ADAMTSL1: variants seen among roughly 807,000 people sequenced by gnomAD.
ADAMTSL1 encodes ADAMTS-like protein 1.
Under a neutral mutation model 201.8 loss-of-function variants are expected in ADAMTSL1, and 126 were observed. That is an observed-to-expected ratio of 0.62 (90% CI 0.54 to 0.72). ADAMTSL1 has a LOEUF of 0.72. Ranked by LOEUF, ADAMTSL1 falls within the 30% of genes least tolerant of loss-of-function variation. ADAMTSL1 has a pLI of 0.00. For synonymous variants in ADAMTSL1, 1,121 were observed against 903.4 expected (o/e 1.24, Z -4.32); for missense variants, 2,679 against 2,277.8 (o/e 1.18, Z -3.59).
At chr9:18,477,188 G>A (rs555278191) in intron 1 of ADAMTSL1, among the ~76,000 whole-genome samples, 9 of 151,826 alleles carry the variant, frequency 5.9e-5, no homozygotes, top group Admixed American at 4.6e-4. Flanking sequence ...AACCATGACC[G>A]GCCATTGACA....
At chr9:18,786,470 T>C (rs1821712431) in intron 19 of ADAMTSL1, among the ~76,000 whole-genome samples, 1 of 152,050 alleles carries the variant, frequency 6.6e-6, no homozygotes, top group African/African-American at 2.4e-5. Context: ...GGTTTTCTTA[T>C]TAGTTAAACT....
Position 18,729,194 on chromosome 9 carries a change from G to A in ADAMTSL1, c.2006+7529G>A, listed in dbSNP as rs543992275. Among the ~76,000 whole-genome samples, 105 of 152,288 alleles carry A rather than the reference G, an allele frequency of 6.9e-4. 2 individuals are homozygous for A. The highest frequency in any genetic ancestry group is 2.3e-3 in the African/African-American group (96 of 41,556). ...TACAGCCCCAAGGAAGGGTGTCAGG[G>A]CGTCATGAGTGTTGCAGCTATCTGA... On this transcript the variant is annotated intron_variant, in intron 15 of 28. Coordinates refer to ENST00000380548, the MANE Select transcript of ADAMTSL1 (RefSeq NM_001040272.6).
At chr9:18,186,240 T>G (rs1828729500) in intron 2 of ADAMTSL1, among the ~76,000 whole-genome samples, 2 of 152,176 alleles carry the variant, frequency 1.3e-5, no homozygotes, top group Admixed American at 1.3e-4. Context: ...GAAGAGATCT[T>G]CTTGGTCTGT....
At chr9:18,622,618 A>G in intron 5 of ADAMTSL1, 1 of 587,552 alleles carries the variant, frequency 1.7e-6, no homozygotes, top group Non-Finnish European at 3.0e-6. Context: ...ATGGGGCTAC[A>G]AATACTTTCT....
intron 23 of ADAMTSL1, among the ~76,000 whole-genome samples, chr9:18,879,176 A>G (rs1828367841): frequency 1.3e-5 from 2 of 152,214 alleles, no homozygotes; most frequent in African/African-American, 4.8e-5. Flanking sequence ...AGGAGGGGTG[A>G]GAATGAATTT....
At chr9:18,225,021 T>C (rs1383969812) in intron 2 of ADAMTSL1, among the ~76,000 whole-genome samples, 1 of 152,164 alleles carries the variant, frequency 6.6e-6, no homozygotes, top group African/African-American at 2.4e-5. Flanking sequence ...ATAAAACTGT[T>C]CTTGTAAACT....
intron 2 of ADAMTSL1, among the ~76,000 whole-genome samples, chr9:18,524,605 G>T (rs1564017738): frequency 6.6e-6 from 1 of 152,162 alleles, no homozygotes; most frequent in African/African-American, 2.4e-5. Context: ...ATTATTTTGA[G>T]ATATGTTCCA....
chr9:18,276,837 C>T (rs1186264450), intron 2 of ADAMTSL1, among the ~76,000 whole-genome samples: 4 of 152,100 alleles, frequency 2.6e-5, no homozygotes, highest in African/African-American at 7.2e-5. Flanking sequence ...GAAGACCCAC[C>T]CCCAGGACCC....
intron 3 of ADAMTSL1, among the ~76,000 whole-genome samples, chr9:18,567,441 G>C (rs951191659): frequency 2.0e-5 from 3 of 152,152 alleles, no homozygotes; most frequent in Admixed American, 2.0e-4. Flanking sequence ...ACTCCAGCCT[G>C]GGTGACAGAG....
At chr9:18,442,742 TAAG>T (rs1172394876) in intron 2 of ADAMTSL1, among the ~76,000 whole-genome samples, 1 of 152,198 alleles carries the variant, frequency 6.6e-6, no homozygotes, top group Admixed American at 6.5e-5. Flanking sequence ...TTAAACGTTT[TAAG>T]AAGACGGAGC....
At chr9:18,290,781 G>GTTTTTTTTTTT (rs71492936) in intron 2 of ADAMTSL1, among the ~76,000 whole-genome samples, 2 of 135,106 alleles carry the variant, frequency 1.5e-5, no homozygotes, top group Admixed American at 7.0e-5. Flanking sequence ...TTTTTTGTGT[G>GTTTTTTTTTTT]TTTTTTTTTT....
At chr9:18,674,674 A>C (rs981896796) in intron 9 of ADAMTSL1, among the ~76,000 whole-genome samples, 1 of 152,044 alleles carries the variant, frequency 6.6e-6, no homozygotes, top group African/African-American at 2.4e-5. Context: ...TTTATATTGA[A>C]TATATCAATA....
chr9:18,580,945 A>G (rs1020066896), intron 4 of ADAMTSL1, among the ~76,000 whole-genome samples: 1 of 150,448 alleles, frequency 6.6e-6, no homozygotes, highest in African/African-American at 2.4e-5. Context: ...CATCTGCTTG[A>G]ATCATTTCAA....
At chr9:17,963,888 C>G (rs1329113241) in intron 1 of ADAMTSL1, among the ~76,000 whole-genome samples, 1 of 152,126 alleles carries the variant, frequency 6.6e-6, no homozygotes, top group Admixed American at 6.6e-5. Flanking sequence ...TCAGTGACAG[C>G]TGGAATCGTC....
chr9:18,559,818 T>C (rs778088345), intron 3 of ADAMTSL1, among the ~76,000 whole-genome samples: 5 of 152,168 alleles, frequency 3.3e-5, no homozygotes. Context: ...TTGTCTATTA[T>C]TGGTATAAAG....
At chr9:18,804,135 A>G (rs1272027746) in intron 20 of ADAMTSL1, among the ~76,000 whole-genome samples, 2 of 152,150 alleles carry the variant, frequency 1.3e-5, no homozygotes, top group Non-Finnish European at 2.9e-5. Flanking sequence ...TCTTGCACAT[A>G]TAATAATGAA....
intron 2 of ADAMTSL1, among the ~76,000 whole-genome samples, chr9:18,228,327 G>A (rs887382538): frequency 6.6e-6 from 1 of 152,174 alleles, no homozygotes; most frequent in Non-Finnish European, 1.5e-5. Context: ...CATTGAGGAG[G>A]AGGAAAGGTG....
At chr9:18,341,928 A>C (rs1056130976) in intron 2 of ADAMTSL1, among the ~76,000 whole-genome samples, 4 of 152,168 alleles carry the variant, frequency 2.6e-5, no homozygotes, top group Admixed American at 2.6e-4. Context: ...GTTAAGGTAA[A>C]TGTATGCTTG....
chr9:18,451,855 A>G (rs1458210944), intron 2 of ADAMTSL1, among the ~76,000 whole-genome samples: 2 of 152,228 alleles, frequency 1.3e-5, no homozygotes, highest in African/African-American at 2.4e-5. Flanking sequence ...CTCATGTTGC[A>G]TGGTGGAAGA....
Sources: allele counts gnomAD v4.1 joint callset (sites outside exome capture counted in the v4.1 genomes callset), GRCh38; gene constraint gnomAD v4.1.1; transcripts MANE v1.5; gene names NCBI Gene and HGNC (gene_info 2026-07-23, HGNC 2026-07-21).